Variants in C16orf87 observed in about 807,000 individuals in gnomAD.
C16orf87 encodes HDAC and MIER1 interacting protein 1, also known as UPF0547 protein C16orf87.
A neutral mutation model predicts 21.0 loss-of-function variants in C16orf87; 13 were observed. The ratio of observed to expected loss-of-function variants is 0.62; its 90% CI spans 0.40 to 0.98. The LOEUF is 0.98. C16orf87 is among the 50% of genes least tolerant of loss of function. C16orf87 has a pLI of 0.00. For missense variants in C16orf87, 113 were observed against 180.4 expected (o/e 0.63, Z 2.14); for synonymous variants, 49 against 60.2 (o/e 0.81, Z 0.86).
chr16:46,824,384 A>T lies in C16orf87; in HGVS notation c.163+2T>A, dbSNP rs780855044. The stretch of plus-strand genomic sequence containing the variant: ...CTAAAAATGTATTAAACTCACAGTT[A>T]CCTGTAGAAGGTGGTGATTTCTCTG... On this transcript the variant is annotated splice_donor_variant, in intron 2 of 3. Transcript: ENST00000285697. LOFTEE classifies it high-confidence loss of function. 1 of 1,317,608 alleles carries T rather than the reference A, an allele frequency of 7.6e-7. No homozygotes were observed. The highest frequency in any genetic ancestry group is 1.3e-5 in the South Asian group (1 of 78,082). The allele number at this position is 1,317,608 out of a possible 1,614,324, so 81.6% of individuals were successfully genotyped here. A position where few individuals can be genotyped will look rare whatever the true frequency, so the allele number is the denominator to read the frequency against.
chr16:46,828,201 T>C (rs1309438344), intron 1 of C16orf87, among the ~76,000 whole-genome samples: 1 of 152,192 alleles, frequency 6.6e-6, no homozygotes, highest in Non-Finnish European at 1.5e-5. Context: ...GTACTGGGAT[T>C]ACAGGTGTGA....
rs1967781857 is a variant in C16orf87 at position 46,801,635 on chromosome 16, TTAA to T, written c.*1314_*1316del. The T allele has an allele frequency of 6.6e-6, 1 of 152,246 alleles. No individual in the cohort carries two copies. Among genetic ancestry groups the T allele is most frequent in the East Asian group, 1.9e-4 (1 of 5,202 alleles). 9.4% of individuals were successfully genotyped at this position (152,246 alleles called of 1,614,324 possible). A position where few individuals can be genotyped will look rare whatever the true frequency, so the allele number is the denominator to read the frequency against. On this transcript the variant is annotated 3_prime_UTR_variant, in exon 4 of 4. Coordinates refer to ENST00000285697, the MANE Select transcript of C16orf87 (RefSeq NM_001001436.4). ...TTCTTTATCCTATCTAGAGTACCTC[TTAA>T]GCTCCCTCTGCTGGTTACCATTTAA...
In C16orf87 at chr16:46,802,113, T is replaced by C. The variant is rs1967795663; in HGVS notation, c.*839A>G. ...AACAATTTAAATAATTATCAGGATA[T>C]AGAAACAAATATCCATTCAGATAAA... On this transcript the variant is annotated 3_prime_UTR_variant, in exon 4 of 4. Coordinates refer to ENST00000285697, the MANE Select transcript of C16orf87 (RefSeq NM_001001436.4). 6.6e-6 allele frequency: 1 copy of C among 152,214 alleles called. No homozygotes were observed. Among genetic ancestry groups the C allele is most frequent in the Non-Finnish European group, 1.5e-5 (1 of 67,992 alleles). The allele number at this position is 152,214 out of a possible 1,614,324, so 9.4% of individuals were successfully genotyped here. A position where few individuals can be genotyped will look rare whatever the true frequency, so the allele number is the denominator to read the frequency against.
intron 1 of C16orf87, among the ~76,000 whole-genome samples, chr16:46,827,200 A>G (rs1420716281): frequency 6.6e-6 from 1 of 152,184 alleles, no homozygotes; most frequent in Non-Finnish European, 1.5e-5. Context: ...CTATAGTCCT[A>G]TTTAAAATAA....
intron 2 of C16orf87, among the ~76,000 whole-genome samples, chr16:46,815,094 T>A (rs973580461): frequency 6.6e-6 from 1 of 152,080 alleles, no homozygotes; most frequent in East Asian, 1.9e-4. Context: ...GGATTTTCAA[T>A]AAGAGTCTGA....
intron 3 of C16orf87, chr16:46,808,117 G>T (rs1459285280): frequency 2.2e-6 from 1 of 455,676 alleles, no homozygotes; most frequent in South Asian, 1.5e-5. Flanking sequence ...GGAGTCCTCG[G>T]CATAGGTTTT....
chr16:46,825,242 G>A (rs1434707514), intron 1 of C16orf87, among the ~76,000 whole-genome samples: 1 of 152,178 alleles, frequency 6.6e-6, no homozygotes, highest in East Asian at 1.9e-4. Flanking sequence ...AAGTGGAATA[G>A]TGAGAACGGA....
At chr16:46,821,653 C>T (rs1329029076) in intron 2 of C16orf87, among the ~76,000 whole-genome samples, 2 of 152,204 alleles carry the variant, frequency 1.3e-5, no homozygotes, top group African/African-American at 4.8e-5. Flanking sequence ...TTTTCTCCTA[C>T]AGCTGACATT....
Position 46,798,069 on chromosome 16 carries a change from ATAAG to A in C16orf87, c.*4879_*4882del, listed in dbSNP as rs201180728. The A allele has an allele frequency of 6.6e-6, 1 of 151,356 alleles. No individual in the cohort carries two copies. The highest frequency in any genetic ancestry group is 1.5e-5 in the Non-Finnish European group (1 of 67,796). The allele number at this position is 151,356 out of a possible 1,614,324, so 9.4% of individuals were successfully genotyped here. On this transcript the variant is annotated 3_prime_UTR_variant, in exon 4 of 4. Coordinates refer to ENST00000285697, the MANE Select transcript of C16orf87 (RefSeq NM_001001436.4). ...TTGAATTAAATAAATAAATAAATAA[ATAAG>A]TAAATTTTAAAATCAATGATCTGAG... is the stretch of plus-strand genomic sequence containing the variant.
At chr16:46,804,795 G>A (rs1352373947) in intron 3 of C16orf87, among the ~76,000 whole-genome samples, 2 of 152,102 alleles carry the variant, frequency 1.3e-5, no homozygotes, top group Non-Finnish European at 2.9e-5. Flanking sequence ...CCACTGTTCT[G>A]ATTTCTATTA....
intron 2 of C16orf87, among the ~76,000 whole-genome samples, chr16:46,816,048 T>C (rs894990666): frequency 2.0e-5 from 3 of 152,210 alleles, no homozygotes; most frequent in African/African-American, 4.8e-5. Context: ...GGAATATTAT[T>C]TAACCTTAAA....
At chr16:46,813,328 A>T (rs1968153076) in intron 2 of C16orf87, among the ~76,000 whole-genome samples, 1 of 152,132 alleles carries the variant, frequency 6.6e-6, no homozygotes, top group Non-Finnish European at 1.5e-5. Context: ...AATAACTTGT[A>T]GTCGTTTGTG....
rs1193709974 is a variant in C16orf87 at position 46,801,703 on chromosome 16, G to A, written c.*1249C>T. The A allele has an allele frequency of 6.6e-6, 1 of 152,096 alleles. No individual in the cohort carries two copies. Among genetic ancestry groups the A allele is most frequent in the Non-Finnish European group, 1.5e-5 (1 of 68,020 alleles). The allele number at this position is 152,096 out of a possible 1,614,324, so 9.4% of individuals were successfully genotyped here. ...AATGTTGACCTTTTTTCTTTGAGGAGGTGATGGGAGATGCAGGATGAAGTC... is the reference window on the plus strand; with the variant it reads ...AATGTTGACCTTTTTTCTTTGAGGAAGTGATGGGAGATGCAGGATGAAGTC... On this transcript the variant is annotated 3_prime_UTR_variant, in exon 4 of 4. Coordinates refer to ENST00000285697, the MANE Select transcript of C16orf87 (RefSeq NM_001001436.4).
chr16:46,831,164 G>C lies in C16orf87; in HGVS notation c.-15C>G, dbSNP rs376171816. ...GTTGCAGACATGCTCCTCTCCCTTA[G>C]CGGCGGCAGCAGCGACGGCTCGGGC... On this transcript the variant is annotated 5_prime_UTR_variant, in exon 1 of 4. Coordinates refer to ENST00000285697, the MANE Select transcript of C16orf87 (RefSeq NM_001001436.4). 32 of 1,555,842 alleles carry C rather than the reference G, an allele frequency of 2.1e-5. No individual in the cohort carries two copies. The highest frequency in any genetic ancestry group is 1.7e-4 in the Middle Eastern group (1 of 5,830).
chr16:46,809,807 A>T, intron 2 of C16orf87, 22 bp from the exon 3 acceptor site: 1 of 1,542,864 alleles, frequency 6.5e-7, no homozygotes, highest in Non-Finnish European at 8.9e-7. Context: ...AATAAAAGTG[A>T]TATATTTTAG....
intron 1 of C16orf87, among the ~76,000 whole-genome samples, chr16:46,828,933 T>G (rs770894304): frequency 6.6e-6 from 1 of 152,226 alleles, no homozygotes; most frequent in South Asian, 2.1e-4. Flanking sequence ...GTATGTTACA[T>G]TCACTTAAGT....
rs1279783926 is a variant in C16orf87, at chr16:46,800,417, T to A, written c.*2535A>T. 1 of 152,142 alleles carries A rather than the reference T, an allele frequency of 6.6e-6. No homozygotes were observed. The highest frequency in any genetic ancestry group is 1.5e-5 in the Non-Finnish European group (1 of 68,002). 9.4% of individuals were successfully genotyped at this position (152,142 alleles called of 1,614,324 possible). A position where few individuals can be genotyped will look rare whatever the true frequency, so the allele number is the denominator to read the frequency against. On this transcript the variant is annotated 3_prime_UTR_variant, in exon 4 of 4. Transcript: ENST00000285697. ...TCTAAGAAATGTTCATTTCTAAAAC[T>A]AACAAACAAAATCAAACTACAAGTA...
chr16:46,830,268 CAGAGAGAGAGAGAGAG>C (rs771471669), intron 1 of C16orf87, among the ~76,000 whole-genome samples: 4 of 59,646 alleles, frequency 6.7e-5, no homozygotes, highest in East Asian at 1.1e-3. Flanking sequence ...GAGAGACAGA[CAGAGAGAGAGAGAGAG>C]AGAGAGAGAG....
chr16:46,811,438 G>T (rs904917177), intron 2 of C16orf87, among the ~76,000 whole-genome samples: 7 of 151,348 alleles, frequency 4.6e-5, no homozygotes, highest in Non-Finnish European at 1.0e-4. Context: ...AGGAGGCAGA[G>T]GTTGTGGTGA....
Sources: gnomAD v4.1 joint callset for allele counts (sites outside exome capture counted in the v4.1 genomes callset) on GRCh38, gnomAD v4.1.1 for gene constraint, MANE v1.5 for transcripts, NCBI Gene and HGNC (gene_info 2026-07-23, HGNC 2026-07-21) for gene names.